The following HDAC9 variants were observed in gnomAD, a reference collection of about 807,000 sequenced individuals.
HDAC9 encodes MEF-2 interacting transcription repressor (MITR) protein.
HDAC9 carries 41 observed loss-of-function variants against 139.4 expected under a neutral mutation model. That is an observed-to-expected ratio of 0.29 (90% CI 0.23 to 0.38). The LOEUF (loss-of-function observed/expected upper bound fraction) is 0.38. HDAC9 is among the 10% of genes least tolerant of loss of function. The probability of loss-of-function intolerance (pLI) is 1.00; values close to 1 mark genes in which losing one functional copy is unlikely to be tolerated. For synonymous variants in HDAC9, 517 were observed against 476.2 expected (o/e 1.09, Z -1.12); for missense variants, 1,147 against 1,297.0 (o/e 0.88, Z 1.78).
chr7:18,264,417 A>G (rs1447669530), intron 2 of HDAC9, among the ~76,000 whole-genome samples: 1 of 152,214 alleles, frequency 6.6e-6, no homozygotes, highest in East Asian at 1.9e-4. Context: ...ACTCCCAAAT[A>G]ACCAATAGGT....
intron 1 of HDAC9, among the ~76,000 whole-genome samples, chr7:18,482,190 T>C (rs572701051): frequency 6.6e-6 from 1 of 151,260 alleles, no homozygotes; most frequent in South Asian, 2.1e-4. Flanking sequence ...AGGGAAGAGG[T>C]CTGAACTGAA....
chr7:18,598,030 T>C (rs1410094621), intron 6 of HDAC9, among the ~76,000 whole-genome samples: 1 of 152,186 alleles, frequency 6.6e-6, no homozygotes, highest in Non-Finnish European at 1.5e-5. Flanking sequence ...AATTGCCTTT[T>C]GGTATAGCAG....
At chr7:18,928,695 A>C (rs559561405) in intron 22 of HDAC9, among the ~76,000 whole-genome samples, 1 of 152,270 alleles carries the variant, frequency 6.6e-6, no homozygotes, top group South Asian at 2.1e-4. Context: ...TTTTTAAAAA[A>C]CCAGAATGAT....
chr7:18,430,054 C>G (rs1013878953), intron 1 of HDAC9, among the ~76,000 whole-genome samples: 1 of 151,974 alleles, frequency 6.6e-6, no homozygotes, highest in African/African-American at 2.4e-5. Flanking sequence ...GAATATCATC[C>G]TTTTTTGATA....
chr7:18,483,588 C>T (rs934046143), intron 1 of HDAC9, among the ~76,000 whole-genome samples: 15 of 152,108 alleles, frequency 9.9e-5, no homozygotes, highest in African/African-American at 3.6e-4. Context: ...TTACCCAGGT[C>T]GCCCTATGTT....
intron 17 of HDAC9, among the ~76,000 whole-genome samples, chr7:18,799,575 A>G (rs185402362): frequency 3.4e-4 from 52 of 152,340 alleles, no homozygotes; most frequent in Non-Finnish European, 6.5e-4. Flanking sequence ...ACTAATAAAG[A>G]CACAGACATT....
intron 2 of HDAC9, among the ~76,000 whole-genome samples, chr7:18,173,394 G>C (rs946070424): frequency 9.2e-5 from 14 of 152,156 alleles, no homozygotes; most frequent in Non-Finnish European, 1.2e-4. Context: ...GATGGGTCTT[G>C]ACTCTTTATC....
intron 1 of HDAC9, among the ~76,000 whole-genome samples, chr7:18,117,658 A>G (rs1470777863): frequency 6.6e-6 from 1 of 152,188 alleles, no homozygotes; most frequent in African/African-American, 2.4e-5. Context: ...GCCTGCCACC[A>G]GCAGAAGCTA....
chr7:18,463,297 A>G (rs1794004109), intron 1 of HDAC9, among the ~76,000 whole-genome samples: 1 of 151,950 alleles, frequency 6.6e-6, no homozygotes, highest in Non-Finnish European at 1.5e-5. Flanking sequence ...TTCTGGAAGA[A>G]CGTGGTGTTA....
chr7:18,689,618 A>G (rs933185074), intron 12 of HDAC9, among the ~76,000 whole-genome samples: 1 of 152,012 alleles, frequency 6.6e-6, no homozygotes, highest in Non-Finnish European at 1.5e-5. Flanking sequence ...GTTTTACAGC[A>G]ATGTTGTTTC....
chr7:18,209,103 C>A (rs572831135), intron 2 of HDAC9, among the ~76,000 whole-genome samples: 3 of 152,078 alleles, frequency 2.0e-5, no homozygotes, highest in Non-Finnish European at 2.9e-5. Flanking sequence ...GGTCTGTAAT[C>A]TCCATAAACC....
Position 18,526,567 on chromosome 7 carries a change from A to G in HDAC9, c.22+30243A>G, listed in dbSNP as rs182859024. Among the ~76,000 whole-genome samples the G allele has an allele frequency of 9.2e-5, 14 of 152,286 alleles. No homozygotes were observed. The East Asian group carries it at 2.7e-3, about 29-fold the overall frequency. ...GTCACCAAAACATATTATCAAAGCT[A>G]ATCTCATAAGGGTGTCAGAGGAAAT... On this transcript the variant is annotated intron_variant, in intron 2 of 25. Transcript: ENST00000686413.
chr7:18,562,596 T>C (rs1488731523), intron 2 of HDAC9, among the ~76,000 whole-genome samples: 1 of 152,178 alleles, frequency 6.6e-6, no homozygotes, highest in Non-Finnish European at 1.5e-5. Flanking sequence ...TTCTAATTTC[T>C]ATACCATTCA....
At chr7:18,264,749 A>G (rs1274913994) in intron 2 of HDAC9, among the ~76,000 whole-genome samples, 1 of 152,226 alleles carries the variant, frequency 6.6e-6, no homozygotes, top group East Asian at 1.9e-4. Flanking sequence ...AGACTAGTTT[A>G]TATTACTATC....
intron 1 of HDAC9, among the ~76,000 whole-genome samples, chr7:18,319,266 G>A (rs1231769450): frequency 1.3e-5 from 2 of 152,072 alleles, no homozygotes; most frequent in East Asian, 1.9e-4. Context: ...TTTCAAAATC[G>A]CCTTTCAGAT....
chr7:18,920,777 T>G (rs540250502), intron 22 of HDAC9, among the ~76,000 whole-genome samples: 3 of 152,272 alleles, frequency 2.0e-5, no homozygotes, highest in African/African-American at 4.8e-5. Flanking sequence ...TTTGGTTCTG[T>G]TTATATGCTG....
At chr7:18,950,633 A>G (rs1483465253) in intron 23 of HDAC9, among the ~76,000 whole-genome samples, 1 of 152,054 alleles carries the variant, frequency 6.6e-6, no homozygotes, top group Non-Finnish European at 1.5e-5. Flanking sequence ...GATAAAAATG[A>G]CTTTCTACTA....
intron 1 of HDAC9, among the ~76,000 whole-genome samples, chr7:18,449,204 G>T (rs979208090): frequency 6.6e-6 from 1 of 152,094 alleles, no homozygotes; most frequent in Non-Finnish European, 1.5e-5. Flanking sequence ...CCTATTTATA[G>T]TAGCCAAAAA....
At chr7:18,544,694 G>A (rs375919871) in intron 2 of HDAC9, among the ~76,000 whole-genome samples, 1 of 152,134 alleles carries the variant, frequency 6.6e-6, no homozygotes, top group Non-Finnish European at 1.5e-5. Context: ...GAGAACAGGA[G>A]GATGTGGACT....
Sources: gnomAD v4.1 joint callset for allele counts (sites outside exome capture counted in the v4.1 genomes callset) on GRCh38, gnomAD v4.1.1 for gene constraint, MANE v1.5 for transcripts, NCBI Gene and HGNC (gene_info 2026-07-23, HGNC 2026-07-21) for gene names.